Variants in GALNT10 observed in about 807,000 individuals in gnomAD.
GALNT10 encodes GalNAc transferase 10.
In GALNT10, 41 loss-of-function variants were observed where a neutral mutation model predicts 75.0. That is an observed-to-expected ratio of 0.55 (90% CI 0.43 to 0.71). GALNT10 has a LOEUF of 0.71. GALNT10 is among the 30% of genes least tolerant of loss of function. The pLI is 0.00. For missense variants in GALNT10, 727 were observed against 818.5 expected (o/e 0.89, Z 1.36); for synonymous variants, 302 against 313.0 (o/e 0.96, Z 0.37).
intron 1 of GALNT10, among the ~76,000 whole-genome samples, chr5:154,253,002 G>GTTTTTTTTTTTTTTTTTTTGT (rs373849888): frequency 1.1e-5 from 1 of 89,862 alleles, no homozygotes; most frequent in Non-Finnish European, 2.2e-5. Context: ...TTTTTTAGTG[G>GTTTTTTTTTTTTTTTTTTTGT]TTTTTTTTTT....
intron 1 of GALNT10, among the ~76,000 whole-genome samples, chr5:154,198,876 A>C (rs1174298159): frequency 2.0e-5 from 3 of 152,226 alleles, no homozygotes; most frequent in Admixed American, 2.0e-4. Context: ...CCTTGCCCCT[A>C]GACCTGACTA....
chr5:154,352,812 C>A lies in GALNT10; in HGVS notation c.568+23074C>A, dbSNP rs911765875. Among the ~76,000 whole-genome samples the A allele has an allele frequency of 3.9e-5, 6 of 152,174 alleles. No homozygotes were observed. Among genetic ancestry groups the A allele is most frequent in the Admixed American group, 2.6e-4 (4 of 15,288 alleles). On this transcript the variant is annotated intron_variant, in intron 4 of 11. Coordinates refer to ENST00000297107, the MANE Select transcript of GALNT10 (RefSeq NM_198321.4). The surrounding 1 kb of genome is among the most constrained non-coding windows in gnomAD (Gnocchi z 4.4). The stretch of plus-strand genomic sequence containing the variant: ...GAGCAAAGCCTTTTGGTTTAAGAAA[C>A]CTTGACCACCCCGCGGTCTTGCATC...
chr5:154,354,038 G>T (rs775114726), intron 4 of GALNT10, among the ~76,000 whole-genome samples: 22 of 152,134 alleles, frequency 1.4e-4, no homozygotes, highest in Non-Finnish European at 2.6e-4. Context: ...TACTTGAATC[G>T]CAACCCACCA....
rs1755714000 is a variant in GALNT10, at chr5:154,380,329, G to C, written c.755-119G>C. On this transcript the variant is annotated intron_variant, in intron 5 of 11. Transcript: ENST00000297107. Reference sequence around the variant, plus strand: ...GCTTGCAGTCTCCCTTCCCCTCCATGGATTGTCAAACTGAGGGTTCAGAGA... The same window carrying C: ...GCTTGCAGTCTCCCTTCCCCTCCATCGATTGTCAAACTGAGGGTTCAGAGA... The C allele has an allele frequency of 5.0e-6, 4 of 803,162 alleles. No homozygotes were observed. The South Asian group carries it at 6.6e-5, about 13-fold the overall frequency. The allele number at this position is 803,162 out of a possible 1,614,324, so 49.8% of individuals were successfully genotyped here.
chr5:154,224,773 C>G (rs1753034597), intron 1 of GALNT10, among the ~76,000 whole-genome samples: 1 of 144,928 alleles, frequency 6.9e-6, no homozygotes, highest in Non-Finnish European at 1.5e-5. Context: ...ACAAGAAGCT[C>G]ACTTCTTTTT....
chr5:154,384,194 G>T (rs1326403408), intron 6 of GALNT10, among the ~76,000 whole-genome samples: 1 of 152,140 alleles, frequency 6.6e-6, no homozygotes, highest in Non-Finnish European at 1.5e-5. Flanking sequence ...TACAGTTCAA[G>T]ATAAGATTTG....
chr5:154,315,769 G>T (rs774422442), intron 3 of GALNT10, among the ~76,000 whole-genome samples: 15 of 152,314 alleles, frequency 9.8e-5, no homozygotes, highest in Non-Finnish European at 1.9e-4. Context: ...ATTTCTGTCA[G>T]AAGGGAAGGC....
intron 1 of GALNT10, among the ~76,000 whole-genome samples, chr5:154,254,853 A>C (rs1002681154): frequency 6.6e-6 from 1 of 152,178 alleles, no homozygotes; most frequent in African/African-American, 2.4e-5. Context: ...GGGGCAGGTA[A>C]TTTAGCAGCT....
intron 3 of GALNT10, among the ~76,000 whole-genome samples, chr5:154,309,066 G>A (rs1754474007): frequency 6.6e-6 from 1 of 152,160 alleles, no homozygotes; most frequent in Non-Finnish European, 1.5e-5. Context: ...CAGGATAAAG[G>A]GTAGAAAAAA....
chr5:154,215,800 G>A (rs778699725), intron 1 of GALNT10, among the ~76,000 whole-genome samples: 6 of 152,204 alleles, frequency 3.9e-5, no homozygotes, highest in East Asian at 1.9e-4. Flanking sequence ...AGGGGATCTG[G>A]TGTTCTCTGT....
In GALNT10 at chr5:154,420,619, C is replaced by T. The variant is rs1756610697; in HGVS notation, c.*3647C>T. On this transcript the variant is annotated 3_prime_UTR_variant, in exon 12 of 12. Coordinates refer to ENST00000297107, the MANE Select transcript of GALNT10 (RefSeq NM_198321.4). ...CAACGGACACTCTTTGTGAAAAATC[C>T]AAGTAATATTTTAGTTCAAACTTGA... The T allele has an allele frequency of 6.6e-6, 1 of 152,168 alleles. No homozygotes were observed. Among genetic ancestry groups the T allele is most frequent in the South Asian group, 2.1e-4 (1 of 4,830 alleles). 9.4% of individuals were successfully genotyped at this position (152,168 alleles called of 1,614,324 possible).
At chr5:154,387,857 A>C (rs1247880465) in intron 7 of GALNT10, 2 of 147,530 alleles carry the variant, frequency 1.4e-5, no homozygotes, top group South Asian at 4.2e-4. Context: ...TTTTGATGTT[A>C]TTTAGGTTTG....
At chr5:154,261,147 C>T (rs1236603674) in intron 1 of GALNT10, among the ~76,000 whole-genome samples, 1 of 152,172 alleles carries the variant, frequency 6.6e-6, no homozygotes, top group East Asian at 1.9e-4. Context: ...AGATTTCTGA[C>T]ACTGTTAATT....
intron 8 of GALNT10, among the ~76,000 whole-genome samples, chr5:154,405,227 GC>G (rs1561684922): frequency 6.6e-6 from 1 of 152,178 alleles, no homozygotes; most frequent in African/African-American, 2.4e-5. Context: ...TAGAATTGCA[GC>G]CCCCGGGACC....
chr5:154,298,326 G>A lies in GALNT10; in HGVS notation c.401+247G>A, dbSNP rs1754312066. On this transcript the variant is annotated intron_variant, in intron 3 of 11. Coordinates refer to ENST00000297107, the MANE Select transcript of GALNT10 (RefSeq NM_198321.4). This position sits in a 1 kb window ranked among gnomAD's most constrained non-coding sequence, Gnocchi z 4.1. Reference sequence around the variant, plus strand: ...CTCTGCATTTCCCCTTTTGCTCTGGGCTGAAGGGAAGTTCAGACCCCAGTG... The same window carrying A: ...CTCTGCATTTCCCCTTTTGCTCTGGACTGAAGGGAAGTTCAGACCCCAGTG... Among the ~76,000 whole-genome samples, 1 of 152,188 alleles carries A rather than the reference G, an allele frequency of 6.6e-6. No individual in the cohort carries two copies. The highest frequency in any genetic ancestry group is 2.4e-5 in the African/African-American group (1 of 41,424).
intron 1 of GALNT10, among the ~76,000 whole-genome samples, chr5:154,264,837 C>A (rs1042176964): frequency 7.9e-5 from 12 of 152,180 alleles, no homozygotes; most frequent in African/African-American, 2.4e-4. Flanking sequence ...TACAGACCCC[C>A]ACTTAGCAGT....
chr5:154,370,212 A>T (rs774756146), intron 4 of GALNT10, among the ~76,000 whole-genome samples: 2 of 152,236 alleles, frequency 1.3e-5, no homozygotes, highest in Non-Finnish European at 2.9e-5. Context: ...TGAAAATCAG[A>T]TGAGATGAAG....
chr5:154,393,224 C>A (rs1755945153), intron 7 of GALNT10, among the ~76,000 whole-genome samples: 1 of 152,068 alleles, frequency 6.6e-6, no homozygotes, highest in South Asian at 2.1e-4. Flanking sequence ...CAGGTCTACA[C>A]CACCACTCCC....
chr5:154,404,323 G>A, intron 8 of GALNT10, 112 bp downstream of exon 8: 1 of 601,040 alleles, frequency 1.7e-6, no homozygotes, highest in South Asian at 2.2e-5. Flanking sequence ...GTTTGAGGAT[G>A]TGCCTCCCAT....
Sources: allele counts gnomAD v4.1 joint callset (sites outside exome capture counted in the v4.1 genomes callset), GRCh38; gene constraint gnomAD v4.1.1; non-coding constraint Gnocchi (gnomAD v3.1); transcripts MANE v1.5; gene names NCBI Gene and HGNC (gene_info 2026-07-23, HGNC 2026-07-21).